The following SLC10A7 variants were observed in gnomAD, a reference collection of about 807,000 sequenced individuals.
The protein encoded by SLC10A7 is sodium/bile acid cotransporter 7.
In SLC10A7, 29 loss-of-function variants were observed where a neutral mutation model predicts 43.2. That is an observed-to-expected ratio of 0.67 (90% CI 0.50 to 0.92). SLC10A7 has a LOEUF of 0.92. Ranked by LOEUF, SLC10A7 falls within the 40% of genes least tolerant of loss-of-function variation. SLC10A7 has a pLI of 0.00. For synonymous variants in SLC10A7, 152 were observed against 144.8 expected, an observed-to-expected ratio of 1.05 and a Z score of -0.35; for missense variants, 295 against 403.2, an observed-to-expected ratio of 0.73 and a Z score of 2.30.
At chr4:146,445,985 G>C (rs199946515) in intron 4 of SLC10A7, among the ~76,000 whole-genome samples, 2 of 151,912 alleles carry the variant, frequency 1.3e-5, no homozygotes, top group East Asian at 3.9e-4. Flanking sequence ...CACAGGATAG[G>C]GGGTGGGGCA....
chr4:146,340,932 T>C (rs1227764216), intron 5 of SLC10A7, among the ~76,000 whole-genome samples: 1 of 151,904 alleles, frequency 6.6e-6, no homozygotes, highest in African/African-American at 2.4e-5. Context: ...ATTGAAAATC[T>C]ATGTTAACAT....
Position 146,521,657 on chromosome 4 carries a change from C to A in SLC10A7, c.61G>T (p.Ala21Ser), listed in dbSNP as rs769766789. The A allele has an allele frequency of 6.2e-7, 1 of 1,614,184 alleles. No homozygotes were observed. Among genetic ancestry groups the A allele is most frequent in the South Asian group, 1.1e-5 (1 of 91,082 alleles). Residue 21 changes from alanine to serine, a missense_variant, in exon 1 of 12, where the codon GCT (alanine) becomes TCT (serine). This residue lies in a region of SLC10A7 where 53 missense variants were observed against 40.7 expected (regional missense o/e 1.30). Coordinates refer to ENST00000335472, the MANE Select transcript of SLC10A7 (RefSeq NM_001029998.6). The part of the protein sequence containing the change: ...WFMVGIVLAI[A>S]GAKLEPSIGV... ...ATGGACGGCTCCAGTTTAGCTCCAG[C>A]GATCGCCAGCACTATTCCGACCATG...
intron 5 of SLC10A7, among the ~76,000 whole-genome samples, chr4:146,438,555 C>A (rs750400623): frequency 1.3e-5 from 2 of 151,712 alleles, no homozygotes; most frequent in Non-Finnish European, 2.9e-5. Context: ...TATTAAAAAC[C>A]CAGTTTGGCA....
chr4:146,333,585 A>G (rs909413385), intron 5 of SLC10A7, among the ~76,000 whole-genome samples: 3 of 152,170 alleles, frequency 2.0e-5, no homozygotes, highest in Non-Finnish European at 4.4e-5. Flanking sequence ...GGAAGAGACT[A>G]TAAAGGCACT....
intron 5 of SLC10A7, among the ~76,000 whole-genome samples, chr4:146,409,971 A>G (rs150510512): frequency 6.6e-6 from 1 of 152,356 alleles, no homozygotes; most frequent in Non-Finnish European, 1.5e-5. Flanking sequence ...AATGGGAAGG[A>G]GACACACATG....
At chr4:146,275,912 C>T (rs1560754092) in intron 10 of SLC10A7, among the ~76,000 whole-genome samples, 1 of 151,914 alleles carries the variant, frequency 6.6e-6, no homozygotes, top group Non-Finnish European at 1.5e-5. Context: ...ATGAGAGGGT[C>T]CCTCAAAGCT....
intron 9 of SLC10A7, 86 bp downstream of exon 9, chr4:146,292,843 T>G: frequency 1.1e-6 from 1 of 908,572 alleles, no homozygotes; most frequent in African/African-American, 1.7e-5. Flanking sequence ...GAAAAAAATA[T>G]AAACGTGTAT....
chr4:146,349,975 C>T (rs1734916646), intron 5 of SLC10A7, among the ~76,000 whole-genome samples: 1 of 151,864 alleles, frequency 6.6e-6, no homozygotes, highest in African/African-American at 2.4e-5. Context: ...TGTACCCCCA[C>T]AAATCTAAAA....
intron 7 of SLC10A7, among the ~76,000 whole-genome samples, chr4:146,303,375 C>CTT (rs111238580): frequency 8.7e-4 from 120 of 137,602 alleles, no homozygotes; most frequent in African/African-American, 2.7e-3. Context: ...CTTTTTCTTT[C>CTT]TTTTTTTTTT....
intron 1 of SLC10A7, among the ~76,000 whole-genome samples, chr4:146,519,103 ATATATATAT>A (rs1560991715): frequency 0.08 from 3,083 of 38,448 alleles, 454 homozygotes; most frequent in African/African-American, 0.22. Flanking sequence ...ATATATATAT[ATATATATAT>A]AATATAATAT....
chr4:146,340,999 A>G (rs1734225404), intron 5 of SLC10A7, among the ~76,000 whole-genome samples: 1 of 151,902 alleles, frequency 6.6e-6, no homozygotes, highest in South Asian at 2.1e-4. Context: ...AGTTTAAAAA[A>G]AAATCTATGC....
intron 4 of SLC10A7, among the ~76,000 whole-genome samples, chr4:146,476,999 T>C (rs1382924614): frequency 6.6e-6 from 1 of 152,210 alleles, no homozygotes; most frequent in African/African-American, 2.4e-5. Context: ...ATAAGCCAGT[T>C]TTATTCTTGC....
intron 5 of SLC10A7, among the ~76,000 whole-genome samples, chr4:146,358,073 C>CAAAAAAAA (rs57927989): frequency 3.7e-5 from 5 of 134,076 alleles, no homozygotes; most frequent in Admixed American, 2.2e-4. Flanking sequence ...AGCACCCCCA[C>CAAAAAAAA]AAAAAAAAAA....
intron 6 of SLC10A7, among the ~76,000 whole-genome samples, chr4:146,319,872 A>T (rs565843831): frequency 6.6e-6 from 1 of 152,198 alleles, no homozygotes; most frequent in South Asian, 2.1e-4. Context: ...GTAGGACATA[A>T]TAAATGACAT....
intron 5 of SLC10A7, among the ~76,000 whole-genome samples, chr4:146,418,808 C>T (rs536647604): frequency 6.6e-6 from 1 of 152,194 alleles, no homozygotes; most frequent in Non-Finnish European, 1.5e-5. Flanking sequence ...CTCAGTCCCA[C>T]AAGGCTATCC....
intron 5 of SLC10A7, among the ~76,000 whole-genome samples, chr4:146,430,349 T>TACA (rs1729686572): frequency 6.6e-6 from 1 of 152,188 alleles, no homozygotes; most frequent in African/African-American, 2.4e-5. Flanking sequence ...TAGTTTATCT[T>TACA]ACAACATTGT....
intron 7 of SLC10A7, among the ~76,000 whole-genome samples, chr4:146,305,055 C>A (rs1731453382): frequency 6.6e-6 from 1 of 151,472 alleles, no homozygotes; most frequent in Non-Finnish European, 1.5e-5. Flanking sequence ...TACCATTTGA[C>A]CCAGCCATCC....
intron 5 of SLC10A7, among the ~76,000 whole-genome samples, chr4:146,416,769 A>G (rs1027718503): frequency 3.3e-5 from 5 of 152,176 alleles, no homozygotes; most frequent in Non-Finnish European, 5.9e-5. Context: ...TCCTAACTTT[A>G]TAATCTGGAC....
At position 146,439,519 on chromosome 4, in the gene SLC10A7, C is replaced by G. The variant is rs575684669; in HGVS notation, c.435+3264G>C. Among the ~76,000 whole-genome samples the G allele has an allele frequency of 3.3e-5, 5 of 152,144 alleles. No individual in the cohort carries two copies. The East Asian group carries it at 9.6e-4, about 29-fold the overall frequency. On this transcript the variant is annotated intron_variant, in intron 5 of 11. Coordinates refer to ENST00000335472, the MANE Select transcript of SLC10A7 (RefSeq NM_001029998.6). ...ATCATTGGATCAGGGTATTTTAGATCTTGCCAAGCTTAGTCAGAGATAACC... is the reference window on the plus strand; with the variant it reads ...ATCATTGGATCAGGGTATTTTAGATGTTGCCAAGCTTAGTCAGAGATAACC...
Sources: gnomAD v4.1 joint callset for allele counts (sites outside exome capture counted in the v4.1 genomes callset) on GRCh38, gnomAD v4.1.1 for gene constraint, gnomAD v4.1.1 regional missense constraint, MANE v1.5 for transcripts, NCBI Gene and HGNC (gene_info 2026-07-23, HGNC 2026-07-21) for gene names.